PPP1R12B: variants seen among roughly 807,000 people sequenced by gnomAD.
PPP1R12B encodes the protein protein phosphatase 1 regulatory subunit 12B.
A neutral mutation model predicts 126.1 loss-of-function variants in PPP1R12B; 76 were observed. That is an observed-to-expected ratio of 0.60 (90% CI 0.50 to 0.73). PPP1R12B has a LOEUF of 0.73. Ranked by LOEUF, PPP1R12B falls within the 30% of genes least tolerant of loss-of-function variation. The pLI is 0.00. For synonymous variants in PPP1R12B, 356 were observed against 434.7 expected (o/e 0.82, Z 2.25); for missense variants, 1,052 against 1,205.1 (o/e 0.87, Z 1.88).
intron 23 of PPP1R12B, among the ~76,000 whole-genome samples, chr1:202,573,478 C>T (rs537164983): frequency 3.7e-4 from 57 of 152,294 alleles, no homozygotes; most frequent in African/African-American, 1.3e-3. Flanking sequence ...CTATCCTTCT[C>T]ATCTTATAGA....
chr1:202,486,322 A>G (rs1678117611), intron 13 of PPP1R12B, among the ~76,000 whole-genome samples: 1 of 152,172 alleles, frequency 6.6e-6, no homozygotes, highest in African/African-American at 2.4e-5. Context: ...GGATCTTGAG[A>G]CCAAAACAAT....
chr1:202,388,715 A>G (rs1558164261), intron 1 of PPP1R12B, among the ~76,000 whole-genome samples: 1 of 152,158 alleles, frequency 6.6e-6, no homozygotes, highest in Non-Finnish European at 1.5e-5. Flanking sequence ...AGTAGGCTCC[A>G]TAGTGTTTGC....
intron 15 of PPP1R12B, among the ~76,000 whole-genome samples, chr1:202,494,582 TAAAAAAA>T (rs35373351): frequency 3.1e-5 from 4 of 127,688 alleles, no homozygotes; most frequent in Admixed American, 7.9e-5. Context: ...TTCTCAGGTT[TAAAAAAA>T]AAAAAAAAAA....
intron 18 of PPP1R12B, among the ~76,000 whole-genome samples, chr1:202,522,008 G>C (rs559681945): frequency 7.9e-5 from 12 of 152,286 alleles, no homozygotes; most frequent in African/African-American, 2.4e-4. Flanking sequence ...TTGGCAGTAG[G>C]CTTTGGCAAC....
At chr1:202,437,556 A>C (rs1670993493) in intron 9 of PPP1R12B, among the ~76,000 whole-genome samples, 1 of 152,188 alleles carries the variant, frequency 6.6e-6, no homozygotes, top group Admixed American at 6.5e-5. Context: ...AGAGATAGCA[A>C]ATTTCTCAGA....
intron 1 of PPP1R12B, among the ~76,000 whole-genome samples, chr1:202,392,894 A>G (rs537635269): frequency 2.0e-5 from 3 of 152,218 alleles, no homozygotes; most frequent in African/African-American, 7.2e-5. Flanking sequence ...TCACTTATCT[A>G]TGACTATAAT....
At chr1:202,464,455 T>A (rs1368016834) in intron 13 of PPP1R12B, among the ~76,000 whole-genome samples, 3 of 152,200 alleles carry the variant, frequency 2.0e-5, no homozygotes, top group African/African-American at 7.2e-5. Context: ...AGATGAGCCT[T>A]TCTATCCCAT....
chr1:202,413,687 C>T (rs1571896980), intron 1 of PPP1R12B, among the ~76,000 whole-genome samples: 1 of 152,134 alleles, frequency 6.6e-6, no homozygotes, highest in Non-Finnish European at 1.5e-5. Context: ...AATGACCCTG[C>T]TTACATGTTA....
At position 202,508,786 on chromosome 1, in the gene PPP1R12B, A is replaced by G. The variant is rs1681101467; in HGVS notation, c.2490+11964A>G. On this transcript the variant is annotated intron_variant, in intron 18 of 23. Transcript: ENST00000608999. The surrounding 1 kb of genome is among the most constrained non-coding windows in gnomAD (Gnocchi z 4.5). ...CTGCCTTTCTGAGGCTGATAGGGAAAGCAGATGTTTATACCTATTCTCCGG... is the reference window on the plus strand; with the variant it reads ...CTGCCTTTCTGAGGCTGATAGGGAAGGCAGATGTTTATACCTATTCTCCGG... 3.3e-5 allele frequency among the ~76,000 whole-genome samples: 5 copies of G among 152,338 alleles called. No individual in the cohort carries two copies. The highest frequency in any genetic ancestry group is 3.4e-3 in the Middle Eastern group (1 of 294).
At chr1:202,532,743 CTTTCTCACTGTAGTGAGATGA>C (rs1239695178) in intron 18 of PPP1R12B, among the ~76,000 whole-genome samples, 2 of 151,630 alleles carry the variant, frequency 1.3e-5, no homozygotes, top group African/African-American at 4.9e-5. Context: ...CCTTGTGCCC[CTTTCTCACTGTAGTGAGATGA>C]AAAAACTCTG....
chr1:202,438,275 C>T, intron 10 of PPP1R12B: 1 of 1,570,014 alleles, frequency 6.4e-7, no homozygotes, highest in Non-Finnish European at 8.6e-7. Flanking sequence ...ATCTTCCTTG[C>T]CCCCTTACCT....
At chr1:202,422,826 A>G in intron 3 of PPP1R12B, 88 bp downstream of exon 3, 2 of 1,572,490 alleles carry the variant, frequency 1.3e-6, no homozygotes, top group East Asian at 2.3e-5. Flanking sequence ...AGAGCATTTC[A>G]CTATCACATG....
chr1:202,585,941 T>C lies in PPP1R12B; in HGVS notation c.*5381T>C, dbSNP rs1689787382. 6.6e-6 allele frequency: 1 copy of C among 152,218 alleles called. No individual in the cohort carries two copies. Among genetic ancestry groups the C allele is most frequent in the Admixed American group, 6.5e-5 (1 of 15,286 alleles). The allele number at this position is 152,218 out of a possible 1,614,324, so 9.4% of individuals were successfully genotyped here. A position where few individuals can be genotyped will look rare whatever the true frequency, so the allele number is the denominator to read the frequency against. ...CAGCTTTCTTAAAATGGGATCTACATTGGCTCTTCACACCCAAATAGCAGA... is the reference window on the plus strand; with the variant it reads ...CAGCTTTCTTAAAATGGGATCTACACTGGCTCTTCACACCCAAATAGCAGA... On this transcript the variant is annotated 3_prime_UTR_variant, in exon 24 of 24. Coordinates refer to ENST00000608999, the MANE Select transcript of PPP1R12B (RefSeq NM_002481.4).
At chr1:202,445,050 T>G in intron 12 of PPP1R12B, 1 of 1,247,304 alleles carries the variant, frequency 8.0e-7, no homozygotes, top group Non-Finnish European at 1.0e-6. Flanking sequence ...TTGCAGTGCT[T>G]CATTTGGTAG....
intron 18 of PPP1R12B, among the ~76,000 whole-genome samples, chr1:202,499,112 A>G (rs1679906405): frequency 6.6e-6 from 1 of 152,176 alleles, no homozygotes; most frequent in Non-Finnish European, 1.5e-5. Context: ...AAATCAAGAT[A>G]TAGAACTTTT....
chr1:202,482,640 A>T lies in PPP1R12B; in HGVS notation c.1851-5893A>T, dbSNP rs61821742. 9.5e-4 allele frequency among the ~76,000 whole-genome samples: 144 copies of T among 152,286 alleles called. 1 individual carries two copies. Among genetic ancestry groups the T allele is most frequent in the Middle Eastern group, 3.4e-3 (1 of 294 alleles). On this transcript the variant is annotated intron_variant, in intron 13 of 23. Coordinates refer to ENST00000608999, the MANE Select transcript of PPP1R12B (RefSeq NM_002481.4). ...AAGTTCCTTATATATTCTGGATATTAACTCCTTGTCAGATGTATAGTTTGC... is the reference window on the plus strand; with the variant it reads ...AAGTTCCTTATATATTCTGGATATTTACTCCTTGTCAGATGTATAGTTTGC...
intron 1 of PPP1R12B, among the ~76,000 whole-genome samples, chr1:202,351,211 T>TG (rs1655911520): frequency 2.9e-5 from 4 of 139,480 alleles, no homozygotes; most frequent in Non-Finnish European, 4.7e-5. Context: ...TTGGAGAAGT[T>TG]TTTGTTGTTG....
intron 1 of PPP1R12B, among the ~76,000 whole-genome samples, chr1:202,415,555 G>A (rs1474238427): frequency 6.6e-6 from 1 of 152,096 alleles, no homozygotes. Context: ...CCTTGGTAAT[G>A]GTTATCATTT....
intron 1 of PPP1R12B, among the ~76,000 whole-genome samples, chr1:202,376,014 C>T (rs1005040075): frequency 6.6e-6 from 1 of 152,114 alleles, no homozygotes; most frequent in Non-Finnish European, 1.5e-5. Flanking sequence ...TCTATTAAGT[C>T]TTAGGCATTG....
Sources: gnomAD v4.1 joint callset for allele counts (sites outside exome capture counted in the v4.1 genomes callset) on GRCh38, gnomAD v4.1.1 for gene constraint, Gnocchi (gnomAD v3.1) non-coding constraint, MANE v1.5 for transcripts, NCBI Gene and HGNC (gene_info 2026-07-23, HGNC 2026-07-21) for gene names.